ADGRV1: variants seen among roughly 807,000 people sequenced by gnomAD.
The protein encoded by ADGRV1 is G-protein coupled receptor 98.
Under a neutral mutation model 596.2 loss-of-function variants are expected in ADGRV1, and 359 were observed. The observed-to-expected ratio is 0.60, with a 90% confidence interval of 0.55 to 0.66. The LOEUF (loss-of-function observed/expected upper bound fraction) is 0.66. Among genes scored for constraint, ADGRV1 ranks in the 30% least tolerant of loss-of-function variants. The probability of loss-of-function intolerance (pLI) is 0.00; values close to 1 mark genes in which losing one functional copy is unlikely to be tolerated. For synonymous variants in ADGRV1, 2,681 were observed against 2,679.2 expected, an observed-to-expected ratio of 1.00 and a Z score of -0.02; for missense variants, 7,274 against 7,575.6, an observed-to-expected ratio of 0.96 and a Z score of 1.48.
chr5:91,086,690 C>T (rs565713643), intron 86 of ADGRV1, among the ~76,000 whole-genome samples: 24 of 152,276 alleles, frequency 1.6e-4, no homozygotes, highest in African/African-American at 4.8e-4. Context: ...TCTGTGCCTA[C>T]CCCTTCATTA....
chr5:90,807,103 G>T (rs993803030), intron 72 of ADGRV1, among the ~76,000 whole-genome samples: 1 of 152,032 alleles, frequency 6.6e-6, no homozygotes, highest in African/African-American at 2.4e-5. Context: ...CGCCCTCGTC[G>T]GCCTCCCAAA....
At chr5:90,597,196 A>G (rs1760800810) in intron 1 of ADGRV1, among the ~76,000 whole-genome samples, 1 of 152,232 alleles carries the variant, frequency 6.6e-6, no homozygotes, top group South Asian at 2.1e-4. Context: ...ACTATAATCA[A>G]AAGTTTGCCA....
At chr5:90,805,815 C>CT (rs1481436194) in intron 72 of ADGRV1, among the ~76,000 whole-genome samples, 1 of 152,142 alleles carries the variant, frequency 6.6e-6, no homozygotes, top group Non-Finnish European at 1.5e-5. Flanking sequence ...GTTCACCTGA[C>CT]TATTTCTGGC....
intron 86 of ADGRV1, among the ~76,000 whole-genome samples, chr5:91,081,389 A>T (rs1254692934): frequency 6.6e-6 from 1 of 152,146 alleles, no homozygotes; most frequent in Non-Finnish European, 1.5e-5. Flanking sequence ...AATATTGTTC[A>T]ATTCTTGTCT....
rs200805176 is a variant in ADGRV1, at chr5:90,776,525, A to C, written c.12476A>C (p.His4159Pro). ...GEVGIAPSSRHILIGEPSAKY... is the reference protein window; with the variant it reads ...GEVGIAPSSRPILIGEPSAKY... ...GTTGGGATAGCTCCGTCATCTAGGCACATCCTCATTGGGGAACCCTCAGCA... is the reference window on the plus strand; with the variant it reads ...GTTGGGATAGCTCCGTCATCTAGGCCCATCCTCATTGGGGAACCCTCAGCA... Residue 4159 changes from histidine (H) to proline (P), a missense_variant, in exon 61 of 90, where the codon CAC (histidine) becomes CCC (proline). His to Pro is a moderately conservative substitution (Grantham distance 77). This residue lies in a region of ADGRV1 where 3,643 missense variants were observed against 3,809.2 expected (regional missense o/e 0.96). Coordinates refer to ENST00000405460, the MANE Select transcript of ADGRV1 (RefSeq NM_032119.4). The C allele has an allele frequency of 4.1e-4, 659 of 1,613,328 alleles. 4 individuals carry two copies. The South Asian group carries it at 5.3e-3, about 13-fold the overall frequency.
At chr5:90,745,349 C>T (rs1754494687) in intron 51 of ADGRV1, 84 bp downstream of exon 51, 1 of 903,230 alleles carries the variant, frequency 1.1e-6, no homozygotes, top group Non-Finnish European at 1.7e-6. Flanking sequence ...TATTTGGTGA[C>T]TGAAAAATAT....
intron 43 of ADGRV1, among the ~76,000 whole-genome samples, chr5:90,718,790 GT>G (rs1305997632): frequency 4.0e-5 from 6 of 148,482 alleles, no homozygotes; most frequent in Non-Finnish European, 9.0e-5. Flanking sequence ...CAAATTTGTT[GT>G]TTTTTTTTAC....
chr5:90,574,254 G>A (rs1272738632), intron 1 of ADGRV1, among the ~76,000 whole-genome samples: 1 of 151,872 alleles, frequency 6.6e-6, no homozygotes, highest in African/African-American at 2.4e-5. Context: ...TGGTCAGTAT[G>A]GATGTTTTTA....
intron 85 of ADGRV1, among the ~76,000 whole-genome samples, chr5:91,021,788 G>A (rs1008269520): frequency 6.6e-6 from 1 of 152,050 alleles, no homozygotes; most frequent in African/African-American, 2.4e-5. Flanking sequence ...AGGAAGATAT[G>A]AATTTTATTT....
chr5:90,677,339 A>C (rs552359995), intron 25 of ADGRV1, among the ~76,000 whole-genome samples: 2 of 152,184 alleles, frequency 1.3e-5, no homozygotes, highest in Admixed American at 1.3e-4. Context: ...GTTTGGGAGC[A>C]GGGAAGTGGT....
chr5:90,782,897 T>A (rs1420227726), intron 65 of ADGRV1, among the ~76,000 whole-genome samples: 1 of 152,190 alleles, frequency 6.6e-6, no homozygotes, highest in East Asian at 1.9e-4. Context: ...ATTGTTTAAA[T>A]GCTAATTGTA....
chr5:91,108,885 C>T (rs1792126887), intron 87 of ADGRV1, among the ~76,000 whole-genome samples: 1 of 152,164 alleles, frequency 6.6e-6, no homozygotes, highest in South Asian at 2.1e-4. Context: ...GCATGAGCCA[C>T]TATGTGTAGC....
chr5:90,804,108 A>G (rs1415843301), intron 71 of ADGRV1, among the ~76,000 whole-genome samples: 1 of 152,180 alleles, frequency 6.6e-6, no homozygotes, highest in Non-Finnish European at 1.5e-5. Context: ...GTTGCTAAGC[A>G]GAAGCCTCAC....
intron 38 of ADGRV1, among the ~76,000 whole-genome samples, chr5:90,707,572 G>C (rs1748769781): frequency 6.6e-6 from 1 of 152,032 alleles, no homozygotes; most frequent in Non-Finnish European, 1.5e-5. Context: ...TAAAATTAAA[G>C]GTAATATTAT....
chr5:90,733,692 A>G (rs1752839508), intron 50 of ADGRV1, among the ~76,000 whole-genome samples: 1 of 152,216 alleles, frequency 6.6e-6, no homozygotes, highest in Non-Finnish European at 1.5e-5. Flanking sequence ...TATTACACAT[A>G]TTGAGTGTAA....
At chr5:90,815,551 T>G in intron 74 of ADGRV1, 68 bp from the exon 75 acceptor site, 2 of 838,506 alleles carry the variant, frequency 2.4e-6, no homozygotes, top group Middle Eastern at 2.5e-4. Context: ...GCTGGCAAGA[T>G]TAGTGGAGCA....
chr5:90,953,589 A>T (rs1777226201), intron 83 of ADGRV1, among the ~76,000 whole-genome samples: 1 of 151,994 alleles, frequency 6.6e-6, no homozygotes, highest in Non-Finnish European at 1.5e-5. Context: ...GATAATGAAG[A>T]CTCTTAACAA....
chr5:90,564,621 A>AAAAAGTTGTGGCCTGGGCG (rs1580277603), intron 1 of ADGRV1, among the ~76,000 whole-genome samples: 5 of 44,210 alleles, frequency 1.1e-4, no homozygotes, highest in African/African-American at 2.9e-4. Flanking sequence ...TAATATATAT[A>AAAAAGTTGTGGCCTGGGCG]TATATTTTTT....
At chr5:90,998,194 C>G (rs1447353839) in intron 85 of ADGRV1, among the ~76,000 whole-genome samples, 1 of 152,138 alleles carries the variant, frequency 6.6e-6, no homozygotes, top group Non-Finnish European at 1.5e-5. Context: ...GAGTTAGGAG[C>G]TTGTTTTATT....
Sources: gnomAD v4.1 joint callset for allele counts (sites outside exome capture counted in the v4.1 genomes callset) on GRCh38, gnomAD v4.1.1 for gene constraint, gnomAD v4.1.1 regional missense constraint, MANE v1.5 for transcripts, NCBI Gene and HGNC (gene_info 2026-07-23, HGNC 2026-07-21) for gene names.